The following GALNT16 variants were observed in gnomAD, a reference collection of about 807,000 sequenced individuals.
GALNT16 encodes the protein UDP-GalNAc:polypeptide N-acetylgalactosaminyltransferase-like protein 1.
Under a neutral mutation model 76.1 loss-of-function variants are expected in GALNT16, and 40 were observed. That is an observed-to-expected ratio of 0.53 (90% confidence interval 0.41 to 0.68). GALNT16 has a LOEUF of 0.68. Among genes scored for constraint, GALNT16 ranks in the 30% least tolerant of loss-of-function variants. The pLI, the probability that GALNT16 is intolerant of heterozygous loss-of-function variation, is 0.00. For synonymous variants in GALNT16, 276 were observed against 285.2 expected, an observed-to-expected ratio of 0.97 and a Z score of 0.32; for missense variants, 621 against 731.9, an observed-to-expected ratio of 0.85 and a Z score of 1.75.
chr14:69,280,495 G>A (rs2044526308), intron 1 of GALNT16, among the ~76,000 whole-genome samples: 1 of 152,186 alleles, frequency 6.6e-6, no homozygotes, highest in Non-Finnish European at 1.5e-5. Context: ...AAATAATGGT[G>A]CTGCAAACAT....
chr14:69,333,177 C>T lies in GALNT16; in HGVS notation c.863+8C>T. On this transcript the variant is annotated splice_region_variant and intron_variant, in intron 8 of 14. Transcript: ENST00000448469. The surrounding 1 kb of genome is among the most constrained non-coding windows in gnomAD (Gnocchi z 4.2). ...CCCCACCAGGCCCATAAGGTCAGAG[C>T]TGCGGTGGGCTCTGGGGGACCCCTT... 6.4e-7 allele frequency: 1 copy of T among 1,573,692 alleles called. No homozygotes were observed. Among genetic ancestry groups the T allele is most frequent in the South Asian group, 1.1e-5 (1 of 88,452 alleles).
chr14:69,342,699 G>A (rs904510613), intron 12 of GALNT16, among the ~76,000 whole-genome samples: 1 of 152,202 alleles, frequency 6.6e-6, no homozygotes, highest in African/African-American at 2.4e-5. Context: ...TGCAAATGAT[G>A]TGTGCACTCG....
chr14:69,372,783 T>A, the GALNT16 span, among the ~76,000 whole-genome samples: 6 of 152,182 alleles, frequency 3.9e-5, no homozygotes, highest in Admixed American at 3.9e-4. Context: ...AAGCAGGACT[T>A]TGATCTCTAA....
Position 69,300,683 on chromosome 14 carries a change from C to A in GALNT16, c.178-20028C>A, listed in dbSNP as rs200941996. ...GGCCCTCCTCCTAGGTCCTAGCAGT[C>A]CCCTGTGCAATGACAGTTGGTAGAG... On this transcript the variant is annotated intron_variant, in intron 1 of 14. Coordinates refer to ENST00000448469, the MANE Select transcript of GALNT16 (RefSeq NM_001168368.2). Among the ~76,000 whole-genome samples, 5 of 152,138 alleles carry A rather than the reference C, an allele frequency of 3.3e-5. No homozygotes were observed. In the East Asian group the frequency reaches 5.8e-4, roughly 18 times the overall value.
At chr14:69,319,431 T>C (rs1442235071) in intron 1 of GALNT16, among the ~76,000 whole-genome samples, 1 of 152,236 alleles carries the variant, frequency 6.6e-6, no homozygotes, top group Non-Finnish European at 1.5e-5. Flanking sequence ...AGCATCCTCA[T>C]GCAAGAGTTT....
rs376771424 is a variant in GALNT16, at chr14:69,333,181, G to T, written c.863+12G>T. Reference sequence around the variant, plus strand: ...ACCAGGCCCATAAGGTCAGAGCTGCGGTGGGCTCTGGGGGACCCCTTCCTT... The same window carrying T: ...ACCAGGCCCATAAGGTCAGAGCTGCTGTGGGCTCTGGGGGACCCCTTCCTT... On this transcript the variant is annotated intron_variant, in intron 8 of 14. Transcript: ENST00000448469. The surrounding 1 kb of genome is among the most constrained non-coding windows in gnomAD (Gnocchi z 4.2). 6.4e-7 allele frequency: 1 copy of T among 1,565,022 alleles called. No individual in the cohort carries two copies. The highest frequency in any genetic ancestry group is 8.8e-7 in the Non-Finnish European group (1 of 1,140,870).
intron 1 of GALNT16, among the ~76,000 whole-genome samples, chr14:69,275,791 TC>T (rs1184081383): frequency 1.3e-5 from 2 of 152,024 alleles, no homozygotes; most frequent in African/African-American, 4.8e-5. Flanking sequence ...GTCTGGGAGG[TC>T]ATGAGGCTGC....
chr14:69,345,402 C>A (rs1446842268), intron 12 of GALNT16, among the ~76,000 whole-genome samples: 1 of 152,126 alleles, frequency 6.6e-6, no homozygotes, highest in African/African-American at 2.4e-5. Flanking sequence ...AGTTCTGGAA[C>A]TTTGCGGCTT....
chr14:69,268,431 T>A (rs1348739951), intron 1 of GALNT16, among the ~76,000 whole-genome samples: 1 of 152,162 alleles, frequency 6.6e-6, no homozygotes, highest in East Asian at 1.9e-4. Flanking sequence ...AGGGAATTGC[T>A]AGGAGCTGCT....
In GALNT16 at chr14:69,312,072, T is replaced by C. The variant is rs12893167; in HGVS notation, c.178-8639T>C. 2.2e-3 allele frequency among the ~76,000 whole-genome samples: 326 copies of C among 148,102 alleles called. 3 individuals carry two copies. Among genetic ancestry groups the C allele is most frequent in the East Asian group, 0.021 (95 of 4,434 alleles). On this transcript the variant is annotated intron_variant, in intron 1 of 14. Coordinates refer to ENST00000448469, the MANE Select transcript of GALNT16 (RefSeq NM_001168368.2). Reference sequence around the variant, plus strand: ...AAAAAAAAATCTGTCTATCTATCTATCTATCTATCTATCTATCTATCTATC... The same window carrying C: ...AAAAAAAAATCTGTCTATCTATCTACCTATCTATCTATCTATCTATCTATC...
intron 5 of GALNT16, among the ~76,000 whole-genome samples, chr14:69,326,723 C>A (rs975206684): frequency 5.9e-5 from 9 of 152,224 alleles, no homozygotes; most frequent in African/African-American, 2.2e-4. Flanking sequence ...ATACTAACAG[C>A]CCCTTTCCTG....
At chr14:69,327,695 G>A (rs553783922) in intron 5 of GALNT16, among the ~76,000 whole-genome samples, 11 of 152,308 alleles carry the variant, frequency 7.2e-5, no homozygotes, top group African/African-American at 2.6e-4. Flanking sequence ...CTCTAAGAGT[G>A]AGGCCCTTCC....
At chr14:69,379,848 C>T in the GALNT16 span, among the ~76,000 whole-genome samples, 16 of 152,176 alleles carry the variant, frequency 1.1e-4, no homozygotes, top group African/African-American at 3.9e-4. Context: ...CTGTCTGCTG[C>T]TGCTGCTGCG....
chr14:69,325,246 G>A (rs533913033), intron 3 of GALNT16, 91 bp from the exon 4 acceptor site: 2 of 811,904 alleles, frequency 2.5e-6, no homozygotes, highest in East Asian at 2.4e-5. Flanking sequence ...CTGGAGCTGG[G>A]CGGCTGGGGA....
At chr14:69,346,898 C>T (rs1052925692) in intron 12 of GALNT16, 142 bp from the exon 13 acceptor site, 11 of 910,900 alleles carry the variant, frequency 1.2e-5, no homozygotes, top group Middle Eastern at 5.4e-4. Flanking sequence ...CCTCACCTCC[C>T]CCTGCTGGCC....
chr14:69,305,801 G>A (rs2044924556), intron 1 of GALNT16, among the ~76,000 whole-genome samples: 1 of 151,926 alleles, frequency 6.6e-6, no homozygotes, highest in Admixed American at 6.6e-5. Flanking sequence ...TTTTGTTTTT[G>A]TTGCTTGTGT....
the GALNT16 span, among the ~76,000 whole-genome samples, chr14:69,384,163 G>A: frequency 1.3e-5 from 2 of 152,020 alleles, no homozygotes; most frequent in South Asian, 2.1e-4. Context: ...TATCTCACAC[G>A]TAGACATTAA....
At chr14:69,360,263 G>A (rs113185491), downstream of GALNT16, among the ~76,000 whole-genome samples, 28,016 of 151,750 alleles carry the variant, frequency 0.18, 2,706 homozygotes, top group South Asian at 0.26. Context: ...TGAGGCGGGA[G>A]GATCACTTGA....
the GALNT16 span, among the ~76,000 whole-genome samples, chr14:69,372,153 G>C: frequency 7.6e-3 from 1,162 of 152,170 alleles, 20 homozygotes; most frequent in African/African-American, 0.027. Context: ...TGAGGAGTTA[G>C]AGCCCAAGTA....
Sources: gnomAD v4.1 joint callset for allele counts (sites outside exome capture counted in the v4.1 genomes callset) on GRCh38, gnomAD v4.1.1 for gene constraint, Gnocchi (gnomAD v3.1) non-coding constraint, MANE v1.5 for transcripts, NCBI Gene and HGNC (gene_info 2026-07-23, HGNC 2026-07-21) for gene names.